EYS: variants seen among roughly 807,000 people sequenced by gnomAD.
The protein encoded by EYS is EGF-like photoreceptor maintenance factor.
A neutral mutation model predicts 282.1 loss-of-function variants in EYS; 250 were observed. The ratio of observed to expected loss-of-function variants is 0.89; its 90% CI spans 0.80 to 0.98. EYS has a LOEUF of 0.98. EYS is among the 50% of genes least tolerant of loss of function. The pLI, the probability that EYS is intolerant of heterozygous loss-of-function variation, is 0.00. For synonymous variants in EYS, 1,355 were observed against 1,282.9 expected (o/e 1.06, Z -1.20); for missense variants, 4,016 against 3,709.0 (o/e 1.08, Z -2.15).
intron 19 of EYS, among the ~76,000 whole-genome samples, chr6:64,837,090 T>C (rs1271493987): frequency 6.6e-6 from 1 of 151,738 alleles, no homozygotes; most frequent in Non-Finnish European, 1.5e-5. Context: ...AATAAATCCA[T>C]CTTTAATAGG....
chr6:64,037,160 A>AT (rs1404394526), intron 33 of EYS, among the ~76,000 whole-genome samples: 1 of 152,162 alleles, frequency 6.6e-6, no homozygotes, highest in Non-Finnish European at 1.5e-5. Flanking sequence ...ATATTTTTAT[A>AT]TTTTTCCCAA....
At chr6:65,164,994 G>A (rs2150223826) in intron 12 of EYS, among the ~76,000 whole-genome samples, 1 of 151,328 alleles carries the variant, frequency 6.6e-6, no homozygotes, top group East Asian at 2.0e-4. Context: ...TCCAAATAAG[G>A]CCAAATTCTT....
At chr6:64,578,184 C>T (rs895970864) in intron 26 of EYS, among the ~76,000 whole-genome samples, 1 of 152,032 alleles carries the variant, frequency 6.6e-6, no homozygotes, top group Non-Finnish European at 1.5e-5. Flanking sequence ...AATTTCACTT[C>T]TCTGCTTAAA....
At chr6:65,039,631 G>T (rs778296568) in intron 13 of EYS, among the ~76,000 whole-genome samples, 14 of 150,950 alleles carry the variant, frequency 9.3e-5, no homozygotes, top group African/African-American at 2.9e-4. Context: ...ATTTCTCTTC[G>T]CAATGTTTTG....
chr6:65,520,076 A>G (rs564800771), intron 2 of EYS, among the ~76,000 whole-genome samples: 1 of 152,108 alleles, frequency 6.6e-6, no homozygotes, highest in South Asian at 2.1e-4. Flanking sequence ...TATGCACAAC[A>G]TATTTCATGT....
chr6:63,980,721 A>G (rs2149789819), intron 35 of EYS, among the ~76,000 whole-genome samples: 1 of 151,950 alleles, frequency 6.6e-6, no homozygotes, highest in South Asian at 2.1e-4. Flanking sequence ...AGGAGGAAAG[A>G]GAGGGGAAGT....
chr6:65,613,400 A>G (rs1317708282), intron 2 of EYS, among the ~76,000 whole-genome samples: 1 of 151,904 alleles, frequency 6.6e-6, no homozygotes, highest in Non-Finnish European at 1.5e-5. Flanking sequence ...CATCATAGTA[A>G]TTATGAACAT....
chr6:64,404,350 C>CT (rs1227552985), intron 28 of EYS, among the ~76,000 whole-genome samples: 1 of 151,098 alleles, frequency 6.6e-6, no homozygotes, highest in Non-Finnish European at 1.5e-5. Context: ...TTCCCTAGTC[C>CT]TTTTTCTAAA....
intron 26 of EYS, among the ~76,000 whole-genome samples, chr6:64,488,120 A>T (rs957140425): frequency 3.3e-5 from 5 of 151,054 alleles, no homozygotes; most frequent in African/African-American, 1.2e-4. Flanking sequence ...GTTTTGACCT[A>T]TTTTCAAAAA....
intron 26 of EYS, among the ~76,000 whole-genome samples, chr6:64,508,962 G>A (rs974593240): frequency 6.6e-6 from 1 of 151,738 alleles, no homozygotes; most frequent in Non-Finnish European, 1.5e-5. Context: ...CTTTAGGCAG[G>A]TTTTTGCTAA....
At chr6:64,157,703 G>GCA (rs879547427) in intron 31 of EYS, among the ~76,000 whole-genome samples, 118 of 152,208 alleles carry the variant, frequency 7.8e-4, no homozygotes, top group Non-Finnish European at 9.1e-4. Context: ...GAGAGGTGTT[G>GCA]AGCCTGCGAA....
At chr6:64,739,536 T>G (rs1363037273) in intron 22 of EYS, among the ~76,000 whole-genome samples, 1 of 152,290 alleles carries the variant, frequency 6.6e-6, no homozygotes, top group East Asian at 1.9e-4. Context: ...TAATCTCTAA[T>G]CGTATCAGAC....
chr6:64,893,763 TA>T (rs1194307316), intron 18 of EYS, among the ~76,000 whole-genome samples: 1 of 151,968 alleles, frequency 6.6e-6, no homozygotes. Flanking sequence ...GAAATATTTT[TA>T]AGGAAAACAC....
At chr6:65,435,648 C>A (rs549182366) in intron 5 of EYS, among the ~76,000 whole-genome samples, 2 of 152,052 alleles carry the variant, frequency 1.3e-5, no homozygotes, top group South Asian at 2.1e-4. Flanking sequence ...TGAAAAAAAC[C>A]TTAATAGAAA....
chr6:65,412,229 A>G (rs1345112635), intron 5 of EYS, among the ~76,000 whole-genome samples: 3 of 152,150 alleles, frequency 2.0e-5, no homozygotes, highest in Admixed American at 6.6e-5. Context: ...ACTGTGATAA[A>G]TAAATGTTTA....
intron 1 of EYS, among the ~76,000 whole-genome samples, chr6:65,706,280 T>G (rs1432655791): frequency 6.6e-6 from 1 of 151,796 alleles, no homozygotes; most frequent in Non-Finnish European, 1.5e-5. Context: ...ACCTTTAAGG[T>G]AAGCAATGGT....
intron 35 of EYS, among the ~76,000 whole-genome samples, chr6:63,937,645 G>C (rs1159377426): frequency 6.6e-6 from 1 of 151,314 alleles, no homozygotes; most frequent in South Asian, 2.1e-4. Flanking sequence ...CCTCCCAAAG[G>C]GCTGGGATTA....
chr6:65,505,245 T>C (rs1473506771), intron 2 of EYS, among the ~76,000 whole-genome samples: 1 of 151,558 alleles, frequency 6.6e-6, no homozygotes, highest in African/African-American at 2.4e-5. Context: ...GGAACAATAA[T>C]GGCAATCCCT....
At chr6:64,759,916 A>T (rs2149977602) in intron 22 of EYS, among the ~76,000 whole-genome samples, 1 of 152,318 alleles carries the variant, frequency 6.6e-6, no homozygotes, top group African/African-American at 2.4e-5. Flanking sequence ...ATGGTCAAAA[A>T]TGTCTCATTA....
Sources: gnomAD v4.1 joint callset for allele counts (sites outside exome capture counted in the v4.1 genomes callset) on GRCh38, gnomAD v4.1.1 for gene constraint, MANE v1.5 for transcripts, NCBI Gene and HGNC (gene_info 2026-07-23, HGNC 2026-07-21) for gene names.